ENTREP2: variants seen among roughly 807,000 people sequenced by gnomAD.
ENTREP2 encodes protein ENTREP2.
At chr15:29,620,562 C>T in the ENTREP2 span, among the ~76,000 whole-genome samples, 2 of 152,102 alleles carry the variant, frequency 1.3e-5, no homozygotes, top group East Asian at 3.9e-4. Context: ...CATTTGAGCT[C>T]AGGAGTTCCA....
chr15:29,487,996 TCA>T, the ENTREP2 span, among the ~76,000 whole-genome samples: 1 of 152,162 alleles, frequency 6.6e-6, no homozygotes, highest in Non-Finnish European at 1.5e-5. Context: ...CCTGGCATGT[TCA>T]GTTTTCAACA....
At chr15:29,448,354 C>T in the ENTREP2 span, among the ~76,000 whole-genome samples, 6 of 152,188 alleles carry the variant, frequency 3.9e-5, no homozygotes, top group East Asian at 1.2e-3. Context: ...TGGCAGATAT[C>T]TCCCAAACAT....
At chr15:29,365,401 C>G in the ENTREP2 span, among the ~76,000 whole-genome samples, 6 of 151,762 alleles carry the variant, frequency 4.0e-5, no homozygotes, top group African/African-American at 1.5e-4. Context: ...TACAGGTGCC[C>G]GCCACCATGC....
the ENTREP2 span, among the ~76,000 whole-genome samples, chr15:29,528,065 G>A: frequency 6.6e-6 from 1 of 152,104 alleles, no homozygotes; most frequent in Non-Finnish European, 1.5e-5. Flanking sequence ...CAGGTGCTGT[G>A]CTAGGTGAAG....
At chr15:29,208,710 G>GACTTCC in the ENTREP2 span, among the ~76,000 whole-genome samples, 1 of 152,128 alleles carries the variant, frequency 6.6e-6, no homozygotes, top group Non-Finnish European at 1.5e-5. Context: ...ATAACCTACA[G>GACTTCC]ACTTCCCCTC....
chr15:29,581,822 G>A, the ENTREP2 span, among the ~76,000 whole-genome samples: 1 of 151,952 alleles, frequency 6.6e-6, no homozygotes, highest in African/African-American at 2.4e-5. Context: ...GTAATTACTT[G>A]ATATTAAGGC....
At chr15:29,274,783 AT>A in the ENTREP2 span, among the ~76,000 whole-genome samples, 2 of 152,240 alleles carry the variant, frequency 1.3e-5, no homozygotes, top group Non-Finnish European at 2.9e-5. Flanking sequence ...GGAGAAAAGC[AT>A]TCAAACTTCA....
the ENTREP2 span, among the ~76,000 whole-genome samples, chr15:29,631,473 GA>G: frequency 6.6e-6 from 1 of 152,192 alleles, no homozygotes; most frequent in Admixed American, 6.5e-5. Flanking sequence ...TGAGTTTTCA[GA>G]GCCCCTGTAG....
the ENTREP2 span, among the ~76,000 whole-genome samples, chr15:29,125,317 T>C: frequency 6.6e-6 from 1 of 152,008 alleles, no homozygotes; most frequent in Admixed American, 6.5e-5. Context: ...TTTCAGAAGG[T>C]TTGACGGGAC....
the ENTREP2 span, among the ~76,000 whole-genome samples, chr15:29,568,710 C>CAAAAAAAAAAAAAA: frequency 7.8e-6 from 1 of 128,190 alleles, no homozygotes; most frequent in Non-Finnish European, 1.6e-5. Flanking sequence ...CCTCTTAAGG[C>CAAAAAAAAAAAAAA]AAAAAAAAAA....
At chr15:29,211,283 C>T in the ENTREP2 span, among the ~76,000 whole-genome samples, 56 of 152,146 alleles carry the variant, frequency 3.7e-4, no homozygotes, top group Non-Finnish European at 6.5e-4. Context: ...TGTTCTGTGA[C>T]CGTGGTGCTG....
the ENTREP2 span, among the ~76,000 whole-genome samples, chr15:29,505,780 T>C: frequency 1.3e-5 from 2 of 152,040 alleles, no homozygotes; most frequent in Non-Finnish European, 2.9e-5. The surrounding 1 kb of genome is among the most constrained non-coding windows in gnomAD (Gnocchi z 4.3). Context: ...AGACCAAAGG[T>C]AGATAAATCC....
At chr15:29,118,432 C>T in the ENTREP2 span, 2 of 152,268 alleles carry the variant, frequency 1.3e-5, no homozygotes, top group South Asian at 2.1e-4. Flanking sequence ...CTGCTCTGTG[C>T]TCCTCCTGGA....
chr15:29,262,437 C>T, the ENTREP2 span, among the ~76,000 whole-genome samples: 4 of 152,186 alleles, frequency 2.6e-5, no homozygotes, highest in South Asian at 2.1e-4. Context: ...GGCTTTAGCT[C>T]GTGTGCGTTT....
the ENTREP2 span, among the ~76,000 whole-genome samples, chr15:29,505,152 G>C: frequency 1.8e-4 from 28 of 152,352 alleles, no homozygotes; most frequent in East Asian, 5.2e-3. The surrounding 1 kb of genome is among the most constrained non-coding windows in gnomAD (Gnocchi z 4.3). Flanking sequence ...GCTCCCCCTG[G>C]GCAGAGCCCA....
the ENTREP2 span, among the ~76,000 whole-genome samples, chr15:29,206,974 G>C: frequency 2.6e-5 from 4 of 152,054 alleles, no homozygotes; most frequent in East Asian, 1.9e-4. Context: ...CTGTCTCCCC[G>C]GCATAAACTC....
At chr15:29,227,741 A>G in the ENTREP2 span, among the ~76,000 whole-genome samples, 1 of 152,136 alleles carries the variant, frequency 6.6e-6, no homozygotes. Flanking sequence ...ACTGTTTTAA[A>G]CTGGTAAAGG....
At chr15:29,507,256 G>A in the ENTREP2 span, among the ~76,000 whole-genome samples, 4 of 152,152 alleles carry the variant, frequency 2.6e-5, no homozygotes, top group Non-Finnish European at 5.9e-5. Context: ...GATTCATAAA[G>A]CAAGTTCTTA....
At chr15:29,634,171 G>A in the ENTREP2 span, among the ~76,000 whole-genome samples, 4 of 152,080 alleles carry the variant, frequency 2.6e-5, no homozygotes, top group Non-Finnish European at 5.9e-5. Context: ...CTGCTGTAGG[G>A]GAGGGTGGCG....
Sources: gnomAD v4.1 joint callset for allele counts (sites outside exome capture counted in the v4.1 genomes callset) on GRCh38, gnomAD v4.1.1 for gene constraint, Gnocchi (gnomAD v3.1) non-coding constraint, MANE v1.5 for transcripts, NCBI Gene and HGNC (gene_info 2026-07-23, HGNC 2026-07-21) for gene names.